HDAC9: variants seen among roughly 807,000 people sequenced by gnomAD.
HDAC9 encodes MEF-2 interacting transcription repressor (MITR) protein.
HDAC9 carries 41 observed loss-of-function variants against 139.4 expected under a neutral mutation model. The observed-to-expected ratio is 0.29, with a 90% CI of 0.23 to 0.38. HDAC9 has a LOEUF of 0.38. Among genes scored for constraint, HDAC9 ranks in the 10% least tolerant of loss-of-function variants. The pLI, the probability that HDAC9 is intolerant of heterozygous loss-of-function variation, is 1.00. For synonymous variants in HDAC9, 517 were observed against 476.2 expected (o/e 1.09, Z -1.12); for missense variants, 1,147 against 1,297.0 (o/e 0.88, Z 1.78).
intron 17 of HDAC9, among the ~76,000 whole-genome samples, chr7:18,825,082 T>C (rs914571131): frequency 6.6e-6 from 1 of 152,202 alleles, no homozygotes; most frequent in Non-Finnish European, 1.5e-5. Context: ...AGTTTGATTT[T>C]GGTATAGAGT....
At chr7:18,459,960 T>TTC (rs1161661661) in intron 1 of HDAC9, among the ~76,000 whole-genome samples, 1 of 151,672 alleles carries the variant, frequency 6.6e-6, no homozygotes, top group African/African-American at 2.4e-5. Flanking sequence ...TTTTTTTTTT[T>TTC]CGAGACAGAG....
intron 2 of HDAC9, among the ~76,000 whole-genome samples, chr7:18,253,921 A>G (rs1166038888): frequency 3.3e-5 from 5 of 152,206 alleles, no homozygotes; most frequent in Non-Finnish European, 7.4e-5. Context: ...AAATTTAATC[A>G]TGTCATTCCA....
intron 6 of HDAC9, among the ~76,000 whole-genome samples, chr7:18,602,548 T>C (rs1407858673): frequency 1.3e-5 from 2 of 151,998 alleles, no homozygotes; most frequent in Non-Finnish European, 2.9e-5. Context: ...CTCAGATTAT[T>C]CAATTTTTAT....
rs149657526 is a variant in HDAC9 at position 18,897,874 on chromosome 7, C to A, written c.2803+23278C>A. Among the ~76,000 whole-genome samples the A allele has an allele frequency of 1.7e-3, 249 of 150,772 alleles. 1 individual carries two copies. The highest frequency in any genetic ancestry group is 5.8e-3 in the African/African-American group (239 of 41,218). ...CTAAGGGTCTTTGCCACCAGGGAAC[C>A]ATGCATGGATCCAATGCTTTTAAAT... On this transcript the variant is annotated intron_variant, in intron 22 of 25. Transcript: ENST00000686413.
intron 22 of HDAC9, among the ~76,000 whole-genome samples, chr7:18,881,183 G>T (rs60502413): frequency 2.0e-5 from 3 of 152,074 alleles, no homozygotes; most frequent in Non-Finnish European, 4.4e-5. Context: ...CTAACAATGC[G>T]TGTACATGCT....
chr7:18,333,958 AAC>A (rs1280033251), intron 1 of HDAC9, among the ~76,000 whole-genome samples: 1 of 151,360 alleles, frequency 6.6e-6, no homozygotes, highest in Non-Finnish European at 1.5e-5. Context: ...ATTATAAGCT[AAC>A]ACACTGTGAA....
At chr7:18,982,500 G>C (rs1228005838) in intron 25 of HDAC9, among the ~76,000 whole-genome samples, 2 of 151,524 alleles carry the variant, frequency 1.3e-5, no homozygotes, top group African/African-American at 4.9e-5. Flanking sequence ...ATTTTTAATG[G>C]AGGTATATCT....
chr7:18,993,872 A>G lies in HDAC9; in HGVS notation c.3171-2151A>G, dbSNP rs76520183. Reference sequence around the variant, plus strand: ...ATTATGCATATGTGTAGATGGTTCAATAGAAGGTGGGCAGCTATAAGTGGT... The same window carrying G: ...ATTATGCATATGTGTAGATGGTTCAGTAGAAGGTGGGCAGCTATAAGTGGT... On this transcript the variant is annotated intron_variant, in intron 25 of 25. Transcript: ENST00000686413. 6.8e-3 allele frequency among the ~76,000 whole-genome samples: 1,030 copies of G among 151,754 alleles called. 11 individuals are homozygous for G. Among genetic ancestry groups the G allele is most frequent in the African/African-American group, 0.023 (962 of 41,336 alleles).
chr7:18,954,264 C>A, intron 24 of HDAC9, 34 bp downstream of exon 24: 5 of 1,233,696 alleles, frequency 4.1e-6, no homozygotes, highest in African/African-American at 1.5e-5. Context: ...AAATTCTAAG[C>A]AGGTAAAACT....
intron 2 of HDAC9, among the ~76,000 whole-genome samples, chr7:18,530,737 G>A (rs1189008728): frequency 2.7e-5 from 4 of 150,876 alleles, no homozygotes; most frequent in Non-Finnish European, 5.9e-5. Flanking sequence ...GTCTTCTGAT[G>A]TACTTCATGT....
intron 1 of HDAC9, among the ~76,000 whole-genome samples, chr7:18,292,351 A>G (rs1468259599): frequency 2.0e-5 from 3 of 152,148 alleles, no homozygotes; most frequent in Non-Finnish European, 4.4e-5. Flanking sequence ...TCCACAAGAA[A>G]TAGGTTTGTT....
At chr7:18,893,255 C>T (rs1296024155) in intron 22 of HDAC9, among the ~76,000 whole-genome samples, 3 of 152,054 alleles carry the variant, frequency 2.0e-5, no homozygotes, top group Non-Finnish European at 2.9e-5. Flanking sequence ...CTCAGGGTCA[C>T]AACCTGTAGT....
At chr7:18,156,349 C>T (rs913452283) in intron 1 of HDAC9, among the ~76,000 whole-genome samples, 4 of 152,198 alleles carry the variant, frequency 2.6e-5, no homozygotes, top group African/African-American at 9.6e-5. Flanking sequence ...CTGGTGTCTT[C>T]CCAACCCATG....
intron 22 of HDAC9, among the ~76,000 whole-genome samples, chr7:18,895,729 A>G (rs997125682): frequency 3.3e-5 from 5 of 152,116 alleles, no homozygotes; most frequent in African/African-American, 1.2e-4. Context: ...AGCATCGAAC[A>G]GCTCTCTTTG....
At chr7:18,340,034 C>T (rs919119633) in intron 1 of HDAC9, among the ~76,000 whole-genome samples, 2 of 151,330 alleles carry the variant, frequency 1.3e-5, no homozygotes, top group Non-Finnish European at 3.0e-5. Context: ...TTTTCCTTGC[C>T]ATTCTGTTAA....
At chr7:18,900,889 C>T (rs1421067768) in intron 22 of HDAC9, among the ~76,000 whole-genome samples, 1 of 152,078 alleles carries the variant, frequency 6.6e-6, no homozygotes, top group East Asian at 1.9e-4. Flanking sequence ...AGAGCCACAA[C>T]TTTCCCAACA....
rs1839245207 is a variant in HDAC9, at chr7:18,618,349, C to G, written c.665-11001C>G. ...GTCAAGACTGGAAAACAACTCCAGA[C>G]TCTTAGGAGGGTAACAAGATGAGGT... On this transcript the variant is annotated intron_variant, in intron 6 of 25. Transcript: ENST00000686413. 2.0e-5 allele frequency among the ~76,000 whole-genome samples: 3 copies of G among 152,054 alleles called. No individual in the cohort carries two copies. In the South Asian group the frequency reaches 6.2e-4, roughly 32 times the overall value.
intron 12 of HDAC9, among the ~76,000 whole-genome samples, chr7:18,707,302 G>C (rs1020925532): frequency 1.3e-5 from 2 of 152,206 alleles, no homozygotes; most frequent in African/African-American, 4.8e-5. Flanking sequence ...TTTAAAGAGA[G>C]AAATTACAAG....
At chr7:18,518,995 A>ATTT (rs2128209420) in intron 2 of HDAC9, among the ~76,000 whole-genome samples, 1 of 152,300 alleles carries the variant, frequency 6.6e-6, no homozygotes, top group African/African-American at 2.4e-5. Context: ...TATGTCCAGA[A>ATTT]GCCCAGTGTC....
Sources: gnomAD v4.1 joint callset for allele counts (sites outside exome capture counted in the v4.1 genomes callset) on GRCh38, gnomAD v4.1.1 for gene constraint, MANE v1.5 for transcripts, NCBI Gene and HGNC (gene_info 2026-07-23, HGNC 2026-07-21) for gene names.